Variants in RHOQ observed in about 807,000 individuals in gnomAD.
The protein encoded by RHOQ is ras homolog family member Q, also known as rho-related GTP-binding protein RhoQ.
A neutral mutation model predicts 25.8 loss-of-function variants in RHOQ; 7 were observed. The observed-to-expected ratio is 0.27, with a 90% confidence interval of 0.15 to 0.51. RHOQ has a LOEUF of 0.51. RHOQ is among the 20% of genes least tolerant of loss of function. RHOQ has a pLI of 0.97. For synonymous variants in RHOQ, 97 were observed against 98.6 expected (o/e 0.98, Z 0.10); for missense variants, 165 against 260.6 (o/e 0.63, Z 2.53).
chr2:46,553,958 C>T (rs954455672), intron 2 of RHOQ, among the ~76,000 whole-genome samples: 12 of 152,126 alleles, frequency 7.9e-5, no homozygotes, highest in African/African-American at 2.9e-4. Context: ...GGTACCCATC[C>T]TTCTACTCCC....
chr2:46,567,904 A>G (rs1304549774), intron 2 of RHOQ, among the ~76,000 whole-genome samples: 1 of 151,978 alleles, frequency 6.6e-6, no homozygotes, highest in Non-Finnish European at 1.5e-5. Flanking sequence ...CAAAAAAAAA[A>G]TAAAATAAAA....
chr2:46,547,129 G>T (rs371052409), intron 2 of RHOQ, among the ~76,000 whole-genome samples: 1 of 152,312 alleles, frequency 6.6e-6, no homozygotes, highest in African/African-American at 2.4e-5. Context: ...TCTACTTTCA[G>T]AGAGTTAAGA....
Position 46,576,731 on chromosome 2 carries a change from G to A in RHOQ, c.462+75G>A. 1 of 1,013,270 alleles carries A rather than the reference G, an allele frequency of 9.9e-7. No individual in the cohort carries two copies. Among genetic ancestry groups the A allele is most frequent in the Non-Finnish European group, 1.5e-6 (1 of 665,976 alleles). 62.8% of individuals were successfully genotyped at this position (1,013,270 alleles called of 1,614,324 possible). A position where few individuals can be genotyped will look rare whatever the true frequency, so the allele number is the denominator to read the frequency against. On this transcript the variant is annotated intron_variant, in intron 4 of 4. Transcript: ENST00000238738. The surrounding 1 kb of genome is among the most constrained non-coding windows in gnomAD (Gnocchi z 5.1). ...TAACAATAGAAGCTAATTTTATTGT[G>A]TATTTACTGTGTGCCAGGTGGAGTG...
intron 2 of RHOQ, among the ~76,000 whole-genome samples, chr2:46,554,021 A>G (rs1358328299): frequency 1.3e-5 from 2 of 152,144 alleles, no homozygotes; most frequent in Non-Finnish European, 2.9e-5. Context: ...AATAAGTGAG[A>G]ATACGTGATG....
intron 2 of RHOQ, among the ~76,000 whole-genome samples, chr2:46,574,226 G>A (rs1051256720): frequency 1.3e-5 from 2 of 152,114 alleles, no homozygotes; most frequent in African/African-American, 4.8e-5. Flanking sequence ...ATCTAAATAT[G>A]GATGAGGAGT....
At position 46,576,559 on chromosome 2, in the gene RHOQ, A is replaced by G; in HGVS notation, c.367-2A>G. On this transcript the variant is annotated splice_acceptor_variant, in intron 3 of 4. Coordinates refer to ENST00000238738, the MANE Select transcript of RHOQ (RefSeq NM_012249.4). LOFTEE classifies it high-confidence loss of function. The surrounding 1 kb of genome is among the most constrained non-coding windows in gnomAD (Gnocchi z 5.1). ...GGGACATTATTGACCTTTCTTAATT[A>G]GATTGATCTCCGAGATGACCCCAAA... The G allele has an allele frequency of 1.9e-6, 3 of 1,570,708 alleles. No individual in the cohort carries two copies. Among genetic ancestry groups the G allele is most frequent in the Non-Finnish European group, 2.6e-6 (3 of 1,146,178 alleles).
chr2:46,561,117 C>T (rs975423459), intron 2 of RHOQ, among the ~76,000 whole-genome samples: 11 of 149,988 alleles, frequency 7.3e-5, no homozygotes, highest in Non-Finnish European at 1.3e-4. Context: ...TGTGTGCGCA[C>T]GTTTATATGT....
At chr2:46,575,284 A>T (rs1277121542) in intron 2 of RHOQ, among the ~76,000 whole-genome samples, 3 of 152,194 alleles carry the variant, frequency 2.0e-5, no homozygotes, top group Non-Finnish European at 4.4e-5. Flanking sequence ...TGGTATATTC[A>T]TGCATAGAAA....
rs908659380 is a variant in RHOQ, at chr2:46,555,061, G to A, written c.201+11249G>A. 2.6e-5 allele frequency among the ~76,000 whole-genome samples: 4 copies of A among 152,212 alleles called. No individual in the cohort carries two copies. The highest frequency in any genetic ancestry group is 2.1e-4 in the South Asian group (1 of 4,834). ...GAGGAATGGGGAAGGGACTGGACAC[G>A]AGGAGGGACAGAGCAGGCAGATGGG... is the stretch of plus-strand genomic sequence containing the variant. On this transcript the variant is annotated intron_variant, in intron 2 of 4. Coordinates refer to ENST00000238738, the MANE Select transcript of RHOQ (RefSeq NM_012249.4). The surrounding 1 kb of genome is among the most constrained non-coding windows in gnomAD (Gnocchi z 4.3).
chr2:46,549,330 C>A (rs565621638), intron 2 of RHOQ, among the ~76,000 whole-genome samples: 1 of 151,932 alleles, frequency 6.6e-6, no homozygotes, highest in African/African-American at 2.4e-5. Context: ...TTGCTTTAAG[C>A]CCCTCGGGGT....
At chr2:46,561,908 A>G (rs1668590739) in intron 2 of RHOQ, among the ~76,000 whole-genome samples, 1 of 152,120 alleles carries the variant, frequency 6.6e-6, no homozygotes, top group African/African-American at 2.4e-5. Flanking sequence ...GCCACCCTGG[A>G]CCTCGGGCCA....
Position 46,576,518 on chromosome 2 carries a change from A to C in RHOQ, c.367-43A>C, listed in dbSNP as rs1669134229. On this transcript the variant is annotated intron_variant, in intron 3 of 4. Coordinates refer to ENST00000238738, the MANE Select transcript of RHOQ (RefSeq NM_012249.4). The surrounding 1 kb of genome is among the most constrained non-coding windows in gnomAD (Gnocchi z 5.1). The stretch of plus-strand genomic sequence containing the variant: ...ATTACATGCTTTGATTTTTCTTTAA[A>C]GATTTGTAATATTATGGGACATTAT... The C allele has an allele frequency of 8.1e-6, 10 of 1,231,112 alleles. No individual in the cohort carries two copies. The East Asian group carries it at 2.4e-4, about 29-fold the overall frequency. 76.3% of individuals were successfully genotyped at this position (1,231,112 alleles called of 1,614,324 possible).
chr2:46,570,190 C>T (rs950023610), intron 2 of RHOQ, among the ~76,000 whole-genome samples: 2 of 152,102 alleles, frequency 1.3e-5, no homozygotes, highest in Non-Finnish European at 2.9e-5. Context: ...CCTGTAATCC[C>T]AGCACTTTGG....
rs770659492 is a variant in RHOQ, at chr2:46,543,776, G to A, written c.165G>A (p.Lys55=). 5.6e-6 allele frequency: 9 copies of A among 1,613,550 alleles called. No individual in the cohort carries two copies. In the Admixed American group the frequency reaches 8.3e-5, roughly 15 times the overall value. ...CAGTCAGCGTCACCGTGGGGGGCAA[G>A]CAGTACCTCCTAGGACTCTATGACA... ...HYAVSVTVGG[K]QYLLGLYDTA... The change falls in exon 2 of 5, where the codon AAG becomes AAA. Residue 55 remains lysine, a synonymous_variant. Transcript: ENST00000238738.
chr2:46,564,944 G>A (rs991847083), intron 2 of RHOQ, among the ~76,000 whole-genome samples: 2 of 152,214 alleles, frequency 1.3e-5, no homozygotes, highest in African/African-American at 4.8e-5. Context: ...ACAGCAATGG[G>A]CTATGTAGAG....
chr2:46,557,383 T>C (rs544792566), intron 2 of RHOQ, among the ~76,000 whole-genome samples: 22 of 152,342 alleles, frequency 1.4e-4, no homozygotes, highest in South Asian at 1.0e-3. Context: ...CATTAAAAAC[T>C]GCCTTCAACA....
At chr2:46,578,360 T>A (rs1393419685) in intron 4 of RHOQ, among the ~76,000 whole-genome samples, 1 of 151,688 alleles carries the variant, frequency 6.6e-6, no homozygotes, top group Non-Finnish European at 1.5e-5. Flanking sequence ...AGCAAATCAT[T>A]AGGATGTTGG....
intron 2 of RHOQ, among the ~76,000 whole-genome samples, chr2:46,575,292 A>T (rs1466504472): frequency 1.3e-5 from 2 of 152,142 alleles, no homozygotes; most frequent in Non-Finnish European, 2.9e-5. Flanking sequence ...TCATGCATAG[A>T]AAAAGAACTG....
intron 2 of RHOQ, among the ~76,000 whole-genome samples, chr2:46,562,387 G>T (rs1668604026): frequency 6.6e-6 from 1 of 152,170 alleles, no homozygotes; most frequent in South Asian, 2.1e-4. Context: ...TGGAATGACA[G>T]TTTATCTGGT....
Sources: allele counts gnomAD v4.1 joint callset (sites outside exome capture counted in the v4.1 genomes callset), GRCh38; gene constraint gnomAD v4.1.1; non-coding constraint Gnocchi (gnomAD v3.1); transcripts MANE v1.5; gene names NCBI Gene and HGNC (gene_info 2026-07-23, HGNC 2026-07-21).